The following SMOC1 variants were observed in gnomAD, a reference collection of about 807,000 sequenced individuals.
SMOC1 encodes SPARC related modular calcium binding 1.
SMOC1 carries 22 observed loss-of-function variants against 56.3 expected under a neutral mutation model. The ratio of observed to expected loss-of-function variants is 0.39; its 90% CI spans 0.28 to 0.56. SMOC1 has a LOEUF of 0.56. SMOC1 is among the 20% of genes least tolerant of loss of function. SMOC1 has a pLI of 0.61. For missense variants in SMOC1, 509 were observed against 565.4 expected (o/e 0.90, Z 1.01); for synonymous variants, 193 against 215.0 (o/e 0.90, Z 0.89).
intron 10 of SMOC1, among the ~76,000 whole-genome samples, chr14:70,014,126 C>T (rs567880454): frequency 5.3e-5 from 8 of 152,332 alleles, no homozygotes; most frequent in East Asian, 1.9e-4. Context: ...TTCATCCATC[C>T]GCTTACCACC....
intron 3 of SMOC1, among the ~76,000 whole-genome samples, chr14:69,963,475 T>C (rs1181488856): frequency 6.6e-6 from 1 of 152,126 alleles, no homozygotes; most frequent in African/African-American, 2.4e-5. Context: ...CCTTTTCAAA[T>C]TAGAAACTCT....
chr14:69,982,858 C>A (rs1884228718), intron 5 of SMOC1, among the ~76,000 whole-genome samples: 1 of 152,210 alleles, frequency 6.6e-6, no homozygotes, highest in Non-Finnish European at 1.5e-5. Context: ...CATGGCTTTT[C>A]TTGGAGAAGG....
At chr14:69,905,924 T>C (rs1331165446) in intron 1 of SMOC1, among the ~76,000 whole-genome samples, 4 of 152,182 alleles carry the variant, frequency 2.6e-5, no homozygotes, top group East Asian at 3.9e-4. Flanking sequence ...AGTGAAGATA[T>C]TTGTGCATAT....
intron 7 of SMOC1, among the ~76,000 whole-genome samples, chr14:70,009,750 T>C (rs1885266901): frequency 6.6e-6 from 1 of 152,250 alleles, no homozygotes; most frequent in African/African-American, 2.4e-5. Context: ...TTTCCATGTA[T>C]GTATGTACAT....
At chr14:69,898,464 G>GTT (rs199641037) in intron 1 of SMOC1, among the ~76,000 whole-genome samples, 2 of 146,706 alleles carry the variant, frequency 1.4e-5, no homozygotes, top group Non-Finnish European at 1.5e-5. Flanking sequence ...ATTCAATTCT[G>GTT]TTTTTTTTTT....
chr14:70,010,631 G>T, intron 7 of SMOC1, 123 bp from the exon 8 acceptor site: 2 of 986,894 alleles, frequency 2.0e-6, no homozygotes, highest in Non-Finnish European at 3.2e-6. Context: ...CATCAATGGG[G>T]CAGCTCATCA....
At chr14:69,997,400 C>T (rs1422485009) in intron 7 of SMOC1, among the ~76,000 whole-genome samples, 1 of 152,192 alleles carries the variant, frequency 6.6e-6, no homozygotes, top group Non-Finnish European at 1.5e-5. Context: ...CGGAGATAAA[C>T]CATGTAATGG....
At chr14:69,879,887 C>A in intron 1 of SMOC1, 110 bp downstream of exon 1, 2 of 979,518 alleles carry the variant, frequency 2.0e-6, no homozygotes, top group Non-Finnish European at 3.0e-6. Flanking sequence ...GACCTGTTGT[C>A]CTCTGTCTAC....
In SMOC1 at chr14:70,030,295, G is replaced by A. The variant is rs1886096368; in HGVS notation, c.*37G>A. 1.2e-6 allele frequency: 2 copies of A among 1,613,284 alleles called. No homozygotes were observed. The highest frequency in any genetic ancestry group is 1.7e-5 in the Admixed American group (1 of 59,900). On this transcript the variant is annotated 3_prime_UTR_variant, in exon 12 of 12. Coordinates refer to ENST00000361956, the MANE Select transcript of SMOC1 (RefSeq NM_001034852.3). ...CCCAAGGGCAGGTGGAGAGTCCAGG[G>A]AGGCAGGATGGATCACCAGACACCT...
intron 3 of SMOC1, among the ~76,000 whole-genome samples, chr14:69,973,218 G>A (rs1883839415): frequency 6.6e-6 from 1 of 152,210 alleles, no homozygotes. Flanking sequence ...GGTTACTAGA[G>A]GAGATCTGGC....
intron 1 of SMOC1, among the ~76,000 whole-genome samples, chr14:69,896,569 C>T (rs567918881): frequency 4.6e-5 from 7 of 152,192 alleles, no homozygotes; most frequent in African/African-American, 1.7e-4. Flanking sequence ...TTAGATTTCC[C>T]CCTTGGAACT....
intron 1 of SMOC1, among the ~76,000 whole-genome samples, chr14:69,951,587 T>A (rs1333184657): frequency 6.6e-6 from 1 of 152,196 alleles, no homozygotes; most frequent in African/African-American, 2.4e-5. Flanking sequence ...GGATGATAGA[T>A]TTGGAGCTCA....
intron 1 of SMOC1, among the ~76,000 whole-genome samples, chr14:69,921,814 A>G (rs1884850650): frequency 6.6e-6 from 1 of 152,200 alleles, no homozygotes; most frequent in African/African-American, 2.4e-5. Flanking sequence ...AGGGTCTGGA[A>G]GTAACTGGTG....
chr14:69,896,798 C>T (rs1884111412), intron 1 of SMOC1, among the ~76,000 whole-genome samples: 1 of 152,226 alleles, frequency 6.6e-6, no homozygotes, highest in Non-Finnish European at 1.5e-5. Context: ...TATGGCTTCT[C>T]TTCCAGGCAA....
At chr14:69,960,709 C>G (rs920134004) in intron 3 of SMOC1, among the ~76,000 whole-genome samples, 1 of 152,116 alleles carries the variant, frequency 6.6e-6, no homozygotes, top group Non-Finnish European at 1.5e-5. Flanking sequence ...TCCAAACAAC[C>G]AGTTAATGTA....
chr14:69,901,100 A>G (rs1191078462), intron 1 of SMOC1, among the ~76,000 whole-genome samples: 2 of 152,236 alleles, frequency 1.3e-5, no homozygotes, highest in African/African-American at 4.8e-5. Context: ...CCATGTGATG[A>G]AATTTAAAAT....
At position 70,030,600 on chromosome 14, in the gene SMOC1, A is replaced by G. The variant is rs1886114708; in HGVS notation, c.*342A>G. On this transcript the variant is annotated 3_prime_UTR_variant, in exon 12 of 12. Transcript: ENST00000361956. ...GAAGAAAGAGATTTATATGCTGTAT[A>G]TAAATATATATGTAAATTGTATAGT... The G allele has an allele frequency of 2.2e-5, 7 of 312,478 alleles. No individual in the cohort carries two copies. In the South Asian group the frequency reaches 4.6e-4, roughly 21 times the overall value. 19.4% of individuals were successfully genotyped at this position (312,478 alleles called of 1,614,324 possible).
At chr14:69,990,274 A>G (rs965869950) in intron 5 of SMOC1, among the ~76,000 whole-genome samples, 3 of 152,204 alleles carry the variant, frequency 2.0e-5, no homozygotes, top group Non-Finnish European at 2.9e-5. Flanking sequence ...AAATAAACAG[A>G]ATGTTTTCAG....
In SMOC1 at chr14:69,879,466, C is replaced by A. The variant is rs1293689347; in HGVS notation, c.-213C>A. 4.9e-6 allele frequency: 2 copies of A among 404,460 alleles called. No homozygotes were observed. Among genetic ancestry groups the A allele is most frequent in the Non-Finnish European group, 8.6e-6 (2 of 232,386 alleles). 25.1% of individuals were successfully genotyped at this position (404,460 alleles called of 1,614,324 possible). On this transcript the variant is annotated 5_prime_UTR_variant, in exon 1 of 12. Transcript: ENST00000361956. ...GCCCCGCCGAGCGGAGCTAGCGCCG[C>A]GCGCAGAGCACACGCTCGCGCTCCA...
Sources: allele counts gnomAD v4.1 joint callset (sites outside exome capture counted in the v4.1 genomes callset), GRCh38; gene constraint gnomAD v4.1.1; transcripts MANE v1.5; gene names NCBI Gene and HGNC (gene_info 2026-07-23, HGNC 2026-07-21).